ERBB4: variants seen among roughly 807,000 people sequenced by gnomAD.
The protein encoded by ERBB4 is receptor tyrosine-protein kinase erbB-4.
ERBB4 carries 42 observed loss-of-function variants against 158.0 expected under a neutral mutation model. The observed-to-expected ratio is 0.27, with a 90% CI of 0.21 to 0.34. The LOEUF (loss-of-function observed/expected upper bound fraction) is 0.34. Ranked by LOEUF, ERBB4 falls within the 10% of genes least tolerant of loss-of-function variation. The pLI, the probability that ERBB4 is intolerant of heterozygous loss-of-function variation, is 1.00. For synonymous variants in ERBB4, 583 were observed against 558.7 expected (o/e 1.04, Z -0.61); for missense variants, 1,333 against 1,624.1 (o/e 0.82, Z 3.08).
chr2:212,050,485 A>G (rs1039584795), intron 2 of ERBB4, among the ~76,000 whole-genome samples: 10 of 152,032 alleles, frequency 6.6e-5, no homozygotes, highest in Admixed American at 5.2e-4. Flanking sequence ...GTTTGACTCT[A>G]TTTTCTCCTC....
chr2:211,715,148 T>A (rs1485337082), intron 7 of ERBB4, among the ~76,000 whole-genome samples: 1 of 152,220 alleles, frequency 6.6e-6, no homozygotes, highest in Non-Finnish European at 1.5e-5. Flanking sequence ...GAGAAGTTGC[T>A]TGACCTTAGA....
chr2:212,065,684 A>G (rs921476313), intron 2 of ERBB4, among the ~76,000 whole-genome samples: 4 of 152,016 alleles, frequency 2.6e-5, no homozygotes, highest in African/African-American at 9.7e-5. Context: ...GTCTATAATG[A>G]CTTAAACAGA....
chr2:212,195,127 G>A (rs56170521), intron 1 of ERBB4, among the ~76,000 whole-genome samples: 3 of 151,746 alleles, frequency 2.0e-5, no homozygotes, highest in Non-Finnish European at 2.9e-5. Context: ...ATATAAATTC[G>A]CCATTAACTA....
chr2:212,290,209 A>C (rs1302313827), intron 1 of ERBB4, among the ~76,000 whole-genome samples: 2 of 152,156 alleles, frequency 1.3e-5, no homozygotes, highest in African/African-American at 2.4e-5. Flanking sequence ...GTGGGGAATA[A>C]AACAATGTTC....
chr2:212,029,068 A>G (rs1575537446), intron 2 of ERBB4, among the ~76,000 whole-genome samples: 1 of 152,008 alleles, frequency 6.6e-6, no homozygotes, highest in African/African-American at 2.4e-5. Context: ...TCCCCTTTCC[A>G]TGGCAATGAC....
intron 9 of ERBB4, among the ~76,000 whole-genome samples, chr2:211,711,394 G>A (rs1392172784): frequency 6.6e-6 from 1 of 152,120 alleles, no homozygotes; most frequent in Non-Finnish European, 1.5e-5. Flanking sequence ...AACATACAAT[G>A]TTAAAATACT....
At chr2:212,111,086 T>C (rs1301140622) in intron 2 of ERBB4, among the ~76,000 whole-genome samples, 2 of 152,174 alleles carry the variant, frequency 1.3e-5, no homozygotes, top group Admixed American at 1.3e-4. Flanking sequence ...TCAGGTATCT[T>C]TGGCAACAAT....
chr2:212,535,461 T>C (rs1692999144), intron 1 of ERBB4, among the ~76,000 whole-genome samples: 2 of 152,184 alleles, frequency 1.3e-5, no homozygotes, highest in South Asian at 4.1e-4. Flanking sequence ...GAAAGCTATA[T>C]GTACTTTTAT....
intron 3 of ERBB4, among the ~76,000 whole-genome samples, chr2:211,938,179 CATTT>C (rs1260164847): frequency 6.6e-6 from 1 of 152,122 alleles, no homozygotes; most frequent in African/African-American, 2.4e-5. Flanking sequence ...AAAATAATCA[CATTT>C]ATTTCCAGAA....
chr2:211,464,872 T>C (rs2064634056), intron 20 of ERBB4, among the ~76,000 whole-genome samples: 1 of 151,976 alleles, frequency 6.6e-6, no homozygotes, highest in Non-Finnish European at 1.5e-5. Flanking sequence ...CCAGGAGACT[T>C]GCTTTGACTG....
At chr2:212,499,557 G>A (rs1377214656) in intron 1 of ERBB4, among the ~76,000 whole-genome samples, 1 of 152,084 alleles carries the variant, frequency 6.6e-6, no homozygotes, top group Admixed American at 6.6e-5. Flanking sequence ...CTGTGAGCCT[G>A]TGGGAATCTG....
At chr2:211,737,644 A>G (rs953029362) in intron 5 of ERBB4, among the ~76,000 whole-genome samples, 13 of 152,220 alleles carry the variant, frequency 8.5e-5, no homozygotes, top group Non-Finnish European at 1.8e-4. Context: ...CATCTATAAA[A>G]TAAAAATAAC....
intron 16 of ERBB4, among the ~76,000 whole-genome samples, chr2:211,636,370 C>T (rs1465005946): frequency 1.3e-5 from 2 of 151,906 alleles, no homozygotes; most frequent in African/African-American, 2.4e-5. Context: ...AGTTTACTGC[C>T]TCTATCAAAT....
At chr2:211,789,041 T>C (rs1240693276) in intron 3 of ERBB4, among the ~76,000 whole-genome samples, 4 of 152,160 alleles carry the variant, frequency 2.6e-5, no homozygotes, top group Non-Finnish European at 5.9e-5. Flanking sequence ...AAATGAATTC[T>C]CTTTCGGATA....
intron 3 of ERBB4, among the ~76,000 whole-genome samples, chr2:211,905,424 C>T (rs1319100878): frequency 6.6e-6 from 1 of 151,632 alleles, no homozygotes; most frequent in Admixed American, 6.6e-5. Flanking sequence ...TCATCTGCAA[C>T]TTTAATTCCC....
At chr2:211,478,256 C>G (rs1298022568) in intron 20 of ERBB4, among the ~76,000 whole-genome samples, 1 of 152,178 alleles carries the variant, frequency 6.6e-6, no homozygotes, top group Non-Finnish European at 1.5e-5. Flanking sequence ...ACAGTTAAAA[C>G]AAACAAGCTT....
chr2:211,745,093 TA>T (rs1213864552), intron 5 of ERBB4, among the ~76,000 whole-genome samples: 2 of 151,448 alleles, frequency 1.3e-5, no homozygotes, highest in Non-Finnish European at 2.9e-5. Flanking sequence ...CAGGGTCAGA[TA>T]TAAGTATATC....
chr2:211,858,044 G>A (rs181242896), intron 3 of ERBB4, among the ~76,000 whole-genome samples: 40 of 152,232 alleles, frequency 2.6e-4, no homozygotes, highest in Admixed American at 1.5e-3. Context: ...TATGTTTCTC[G>A]ATGTAACACA....
intron 3 of ERBB4, among the ~76,000 whole-genome samples, chr2:211,834,838 GGTAATCT>G (rs1420959763): frequency 1.3e-5 from 2 of 152,046 alleles, no homozygotes; most frequent in Non-Finnish European, 1.5e-5. Context: ...GTACCACTTG[GGTAATCT>G]GTGAAAGATG....
Sources: gnomAD v4.1 joint callset for allele counts (sites outside exome capture counted in the v4.1 genomes callset) on GRCh38, gnomAD v4.1.1 for gene constraint, MANE v1.5 for transcripts, NCBI Gene and HGNC (gene_info 2026-07-23, HGNC 2026-07-21) for gene names.